The following CA1 variants were observed in gnomAD, a reference collection of about 807,000 sequenced individuals.
The protein encoded by CA1 is carbonate dehydratase I.
CA1 carries 27 observed loss-of-function variants against 28.8 expected under a neutral mutation model. That is an observed-to-expected ratio of 0.94 (90% CI 0.69 to 1.29). CA1 has a LOEUF of 1.29. CA1 is among the 50% of genes most tolerant of loss of function. The pLI is 0.00. For synonymous variants in CA1, 121 were observed against 108.8 expected, an observed-to-expected ratio of 1.11 and a Z score of -0.70; for missense variants, 335 against 310.5, an observed-to-expected ratio of 1.08 and a Z score of -0.59.
rs1045900 is a variant in CA1, at chr8:85,337,017, G to T, written c.282C>A (p.Phe94Leu). Reference sequence around the variant, plus strand: ...CATTTGTACTGCCCCAGTGAAAATGGAACTGAAAGAGCCTGTAGCTGTCAG... The same window carrying T: ...CATTTGTACTGCCCCAGTGAAAATGTAACTGAAAGAGCCTGTAGCTGTCAG... ...PFSDSYRLFQ[F>L]HFHWGSTNEH... The change falls in exon 4 of 8, where the codon TTC becomes TTA. Residue 94 changes from phenylalanine (F) to leucine (L), a missense_variant. Coordinates refer to ENST00000523022, the MANE Select transcript of CA1 (RefSeq NM_001128831.4). The T allele has an allele frequency of 2.5e-6, 4 of 1,613,080 alleles. No individual in the cohort carries two copies. In the African/African-American group the frequency reaches 5.3e-5, roughly 22 times the overall value.
At chr8:85,361,497 C>T (rs570668697) in intron 1 of CA1, among the ~76,000 whole-genome samples, 22 of 152,092 alleles carry the variant, frequency 1.4e-4, no homozygotes, top group African/African-American at 4.1e-4. Flanking sequence ...GCCAACATGT[C>T]GAAACCCTCT....
At chr8:85,334,970 A>C (rs1808587933) in intron 4 of CA1, among the ~76,000 whole-genome samples, 1 of 151,088 alleles carries the variant, frequency 6.6e-6, no homozygotes, top group Non-Finnish European at 1.5e-5. Flanking sequence ...AGCCTGGGCA[A>C]CAGAGCAAGA....
intron 1 of CA1, among the ~76,000 whole-genome samples, chr8:85,356,632 A>G (rs1351367505): frequency 6.6e-6 from 1 of 152,204 alleles, no homozygotes; most frequent in East Asian, 1.9e-4. Flanking sequence ...ACTGAAGTGA[A>G]TACCAACGCT....
intron 1 of CA1, among the ~76,000 whole-genome samples, chr8:85,358,363 C>A (rs1311995692): frequency 6.6e-6 from 1 of 152,106 alleles, no homozygotes; most frequent in Non-Finnish European, 1.5e-5. Flanking sequence ...TACCCATTAT[C>A]CCAGTTTATT....
intron 1 of CA1, 168 bp from the exon 2 acceptor site, chr8:85,341,827 A>G: frequency 1.8e-6 from 1 of 550,572 alleles, no homozygotes. Context: ...AAGGTGTTGT[A>G]AAAAATTCTA....
At chr8:85,360,751 C>G (rs548414043) in intron 1 of CA1, among the ~76,000 whole-genome samples, 2 of 152,288 alleles carry the variant, frequency 1.3e-5, no homozygotes, top group East Asian at 3.9e-4. Context: ...TTTCTCATCT[C>G]CGGTAACTGT....
chr8:85,331,397 T>C (rs991327115), intron 6 of CA1, among the ~76,000 whole-genome samples: 11 of 152,082 alleles, frequency 7.2e-5, no homozygotes, highest in African/African-American at 2.7e-4. Flanking sequence ...AATCAACTTT[T>C]CAATTTATTG....
At position 85,329,802 on chromosome 8, in the gene CA1, G is replaced by A. The variant is rs201133833; in HGVS notation, c.556C>T (p.Leu186Phe). ...GTCCAGAAATCCAGGGATGAAGGAA[G>A]GAGAGTAGAGGGGTCAAAATTTGTG... Reference protein sequence around the residue: ...PFTNFDPSTLLPSSLDFWTYP... With the variant: ...PFTNFDPSTLFPSSLDFWTYP... Residue 186 changes from leucine to phenylalanine, a missense_variant, in exon 7 of 8, where the codon CTT (leucine) becomes TTT (phenylalanine). Transcript: ENST00000523022. 1.5e-4 allele frequency: 247 copies of A among 1,601,214 alleles called. 1 individual carries two copies. The East Asian group carries it at 5.4e-3, about 35-fold the overall frequency.
intron 1 of CA1, among the ~76,000 whole-genome samples, chr8:85,377,338 G>C (rs1401757002): frequency 2.0e-5 from 3 of 152,072 alleles, no homozygotes; most frequent in African/African-American, 7.2e-5. Context: ...ATGTATAAAA[G>C]ATACTAATGT....
intron 1 of CA1, chr8:85,373,548 AGTT>A (rs1810308466): frequency 6.6e-6 from 1 of 152,210 alleles, no homozygotes; most frequent in South Asian, 2.1e-4. Flanking sequence ...ATATTGTTAT[AGTT>A]GTTCTATTTT....
chr8:85,375,449 C>G (rs1181431165), intron 1 of CA1, among the ~76,000 whole-genome samples: 1 of 150,656 alleles, frequency 6.6e-6, no homozygotes, highest in Non-Finnish European at 1.5e-5. Flanking sequence ...CATCTAATGC[C>G]ATGTGCCACC....
intron 7 of CA1, among the ~76,000 whole-genome samples, chr8:85,329,336 G>A (rs1479690956): frequency 6.6e-6 from 1 of 152,062 alleles, no homozygotes; most frequent in Non-Finnish European, 1.5e-5. Flanking sequence ...CAACTATCAA[G>A]GTATGCCAGC....
chr8:85,339,806 A>G (rs1054166757), intron 2 of CA1, among the ~76,000 whole-genome samples: 1 of 152,264 alleles, frequency 6.6e-6, no homozygotes, highest in African/African-American at 2.4e-5. Context: ...TAGTCTGGAT[A>G]GAAGATCAAA....
intron 2 of CA1, 35 bp downstream of exon 2, chr8:85,341,564 A>G: frequency 7.7e-7 from 1 of 1,299,956 alleles, no homozygotes; most frequent in Non-Finnish European, 1.1e-6. Flanking sequence ...GGAACAAGTT[A>G]TCATTTTGAT....
At chr8:85,353,042 G>A (rs530219685) in intron 1 of CA1, among the ~76,000 whole-genome samples, 17 of 152,302 alleles carry the variant, frequency 1.1e-4, no homozygotes, top group Admixed American at 5.9e-4. Context: ...AAGTCCCAGA[G>A]GGGAGAGTAC....
chr8:85,364,589 G>A (rs1809931162), intron 1 of CA1, among the ~76,000 whole-genome samples: 1 of 152,108 alleles, frequency 6.6e-6, no homozygotes, highest in African/African-American at 2.4e-5. Flanking sequence ...CAAACACTTT[G>A]AGCACATCCA....
At chr8:85,358,465 G>A (rs985289926) in intron 1 of CA1, among the ~76,000 whole-genome samples, 5 of 152,110 alleles carry the variant, frequency 3.3e-5, no homozygotes, top group African/African-American at 1.2e-4. Context: ...AAAGATTCTT[G>A]AGATCTCTGA....
At chr8:85,338,855 A>G (rs1181592179) in intron 2 of CA1, among the ~76,000 whole-genome samples, 1 of 151,686 alleles carries the variant, frequency 6.6e-6, no homozygotes, top group African/African-American at 2.4e-5. Context: ...CTGGGATTAC[A>G]GGAGCATGCC....
chr8:85,365,940 G>A (rs1280611922), intron 1 of CA1, among the ~76,000 whole-genome samples: 2 of 152,108 alleles, frequency 1.3e-5, no homozygotes, highest in African/African-American at 2.4e-5. Flanking sequence ...TTTGCCCTGG[G>A]ATAAGGAACT....
Sources: gnomAD v4.1 joint callset for allele counts (sites outside exome capture counted in the v4.1 genomes callset) on GRCh38, gnomAD v4.1.1 for gene constraint, MANE v1.5 for transcripts, NCBI Gene and HGNC (gene_info 2026-07-23, HGNC 2026-07-21) for gene names.